SHISA9: variants seen among roughly 807,000 people sequenced by gnomAD.
The protein encoded by SHISA9 is shisa family member 9, also known as protein shisa-9.
Under a neutral mutation model 38.0 loss-of-function variants are expected in SHISA9, and 13 were observed. The observed-to-expected ratio is 0.34, with a 90% CI of 0.22 to 0.54. SHISA9 has a LOEUF of 0.54. Among genes scored for constraint, SHISA9 ranks in the 20% least tolerant of loss-of-function variants. The pLI, the probability that SHISA9 is intolerant of heterozygous loss-of-function variation, is 0.91. For synonymous variants in SHISA9, 275 were observed against 242.0 expected (o/e 1.14, Z -1.27); for missense variants, 538 against 575.8 (o/e 0.93, Z 0.67).
the SHISA9 span, among the ~76,000 whole-genome samples, chr16:13,345,802 G>A: frequency 6.6e-6 from 1 of 152,024 alleles, no homozygotes; most frequent in Non-Finnish European, 1.5e-5. Context: ...TCTGACTGTT[G>A]TTAGATAATA....
chr16:13,551,559 A>G, the SHISA9 span, among the ~76,000 whole-genome samples: 6 of 152,218 alleles, frequency 3.9e-5, no homozygotes, highest in Non-Finnish European at 8.8e-5. Flanking sequence ...AAACAGAAGC[A>G]TATGTGACTG....
At chr16:13,347,621 A>T in the SHISA9 span, among the ~76,000 whole-genome samples, 1 of 152,186 alleles carries the variant, frequency 6.6e-6, no homozygotes. Flanking sequence ...GCTCAACTAA[A>T]ATTCTGGGAG....
chr16:13,498,867 G>A, the SHISA9 span, among the ~76,000 whole-genome samples: 75 of 152,360 alleles, frequency 4.9e-4, no homozygotes, highest in Non-Finnish European at 9.1e-4. Context: ...TTGTGCCAAG[G>A]AAAGGGGAGA....
the SHISA9 span, among the ~76,000 whole-genome samples, chr16:13,560,528 T>G: frequency 6.6e-6 from 1 of 152,128 alleles, no homozygotes; most frequent in African/African-American, 2.4e-5. Flanking sequence ...GCCAGACACC[T>G]CCAACGAACT....
intron 2 of SHISA9, among the ~76,000 whole-genome samples, chr16:13,176,025 A>G (rs1402887248): frequency 2.0e-5 from 3 of 152,174 alleles, no homozygotes; most frequent in Non-Finnish European, 4.4e-5. Flanking sequence ...TTAAGTAGGC[A>G]TAGCATTTTT....
chr16:13,127,052 C>T (rs1305028463), intron 2 of SHISA9, among the ~76,000 whole-genome samples: 1 of 114,110 alleles, frequency 8.8e-6, no homozygotes, highest in Non-Finnish European at 1.7e-5. Context: ...AGGAGAGAGA[C>T]TGAGGGAAGG....
chr16:13,415,479 A>T, the SHISA9 span, among the ~76,000 whole-genome samples: 1 of 152,186 alleles, frequency 6.6e-6, no homozygotes, highest in East Asian at 1.9e-4. Flanking sequence ...AAAATAAGTA[A>T]TAGGGGTATT....
intron 2 of SHISA9, among the ~76,000 whole-genome samples, chr16:12,970,429 A>ATATATG (rs2072055623): frequency 1.5e-5 from 1 of 66,034 alleles, no homozygotes; most frequent in African/African-American, 7.0e-5. Flanking sequence ...ACATATATGT[A>ATATATG]TATATATATA....
chr16:13,383,510 A>G, the SHISA9 span, among the ~76,000 whole-genome samples: 1 of 152,236 alleles, frequency 6.6e-6, no homozygotes, highest in Non-Finnish European at 1.5e-5. Context: ...TAGGTAGAAC[A>G]TCTCCGAAAA....
chr16:13,083,373 A>G (rs985918698), intron 2 of SHISA9, among the ~76,000 whole-genome samples: 1 of 152,196 alleles, frequency 6.6e-6, no homozygotes, highest in Non-Finnish European at 1.5e-5. Context: ...GAGATGATGT[A>G]TGCAAAACAA....
the SHISA9 span, among the ~76,000 whole-genome samples, chr16:13,545,028 C>T: frequency 5.9e-5 from 9 of 152,164 alleles, no homozygotes; most frequent in African/African-American, 2.2e-4. Flanking sequence ...TCCTCATCAT[C>T]ACAATAACAT....
chr16:13,557,279 G>C, the SHISA9 span, among the ~76,000 whole-genome samples: 2 of 152,112 alleles, frequency 1.3e-5, no homozygotes, highest in African/African-American at 2.4e-5. Flanking sequence ...ATATAATCAA[G>C]TATCCATCAT....
intron 2 of SHISA9, among the ~76,000 whole-genome samples, chr16:13,023,212 C>A (rs1030230131): frequency 5.0e-4 from 76 of 152,218 alleles, no homozygotes; most frequent in African/African-American, 1.7e-3. Context: ...ATGTTCCCCA[C>A]CCTGTGTCCA....
At chr16:12,987,866 C>A (rs879846812) in intron 2 of SHISA9, among the ~76,000 whole-genome samples, 2 of 152,140 alleles carry the variant, frequency 1.3e-5, no homozygotes, top group Non-Finnish European at 2.9e-5. Context: ...CTTGTAGAGG[C>A]GGCAATGGAG....
intron 2 of SHISA9, among the ~76,000 whole-genome samples, chr16:13,079,093 C>T (rs898602573): frequency 1.3e-5 from 2 of 152,156 alleles, no homozygotes; most frequent in African/African-American, 4.8e-5. Context: ...TAGAACTTTC[C>T]TCAGATAATT....
At chr16:13,552,654 G>A in the SHISA9 span, among the ~76,000 whole-genome samples, 5 of 152,176 alleles carry the variant, frequency 3.3e-5, no homozygotes, top group South Asian at 2.1e-4. Flanking sequence ...TTAAAGCCAG[G>A]TTGGCTTTGA....
At chr16:13,509,482 C>G in the SHISA9 span, among the ~76,000 whole-genome samples, 18,679 of 152,090 alleles carry the variant, frequency 0.12, 1,336 homozygotes, top group African/African-American at 0.2. Flanking sequence ...CAGTGCCTGC[C>G]TCACATAATT....
At chr16:13,444,448 CAAGGAAGG>C in the SHISA9 span, among the ~76,000 whole-genome samples, 10 of 148,168 alleles carry the variant, frequency 6.7e-5, no homozygotes, top group Non-Finnish European at 1.5e-4. Context: ...AGGGAGGAAA[CAAGGAAGG>C]AAGGAAGGAA....
chr16:13,453,209 C>T, the SHISA9 span, among the ~76,000 whole-genome samples: 3 of 152,088 alleles, frequency 2.0e-5, no homozygotes, highest in South Asian at 2.1e-4. Flanking sequence ...TTCTAGCATC[C>T]CCAGGGAAAA....
Sources: gnomAD v4.1 joint callset for allele counts (sites outside exome capture counted in the v4.1 genomes callset) on GRCh38, gnomAD v4.1.1 for gene constraint, MANE v1.5 for transcripts, NCBI Gene and HGNC (gene_info 2026-07-23, HGNC 2026-07-21) for gene names.